The following RBM19 variants were observed in gnomAD, a reference collection of about 807,000 sequenced individuals.
RBM19 encodes the protein RNA binding motif protein 19, also known as probable RNA-binding protein 19.
A neutral mutation model predicts 116.8 loss-of-function variants in RBM19; 94 were observed. The ratio of observed to expected loss-of-function variants is 0.80; its 90% CI spans 0.68 to 0.95. The LOEUF (loss-of-function observed/expected upper bound fraction) is 0.95. Among genes scored for constraint, RBM19 ranks in the 40% least tolerant of loss-of-function variants. The pLI is 0.00. For missense variants in RBM19, 1,161 were observed against 1,220.7 expected (o/e 0.95, Z 0.73); for synonymous variants, 475 against 494.1 (o/e 0.96, Z 0.51).
intron 1 of RBM19, among the ~76,000 whole-genome samples, chr12:113,964,623 T>C (rs571197166): frequency 6.6e-6 from 1 of 152,286 alleles, no homozygotes; most frequent in South Asian, 2.1e-4. Context: ...TCAGAGATTA[T>C]AACAGGATAA....
At chr12:113,887,363 G>T (rs865906322) in intron 21 of RBM19, among the ~76,000 whole-genome samples, 2 of 152,064 alleles carry the variant, frequency 1.3e-5, no homozygotes, top group African/African-American at 2.4e-5. Flanking sequence ...CTGGCTGGGC[G>T]CAGTGGCTCA....
chr12:113,947,378 G>A lies in RBM19; in HGVS notation c.1363C>T (p.His455Tyr). The A allele has an allele frequency of 2.5e-6, 4 of 1,610,982 alleles. No individual in the cohort carries two copies. The highest frequency in any genetic ancestry group is 1.7e-4 in the Middle Eastern group (1 of 6,048). Residue 455 changes from histidine (H) to tyrosine (Y), a missense_variant, in exon 11 of 24, where the codon CAC (histidine) becomes TAC (tyrosine). Physicochemically the swap from His to Tyr is moderately conservative, Grantham distance 83. Transcript: ENST00000261741. ...ACCTCCGAGTAGGCCTTCACAGCGT[G>A]CTCAGGGAACATGAAGGTGATGAAT... ...FAFITFMFPE[H>Y]AVKAYSEVDG...
At chr12:113,907,103 TG>T (rs1237071516) in intron 21 of RBM19, among the ~76,000 whole-genome samples, 1 of 152,086 alleles carries the variant, frequency 6.6e-6, no homozygotes, top group Non-Finnish European at 1.5e-5. Flanking sequence ...TTCTGGCTTC[TG>T]GAACTGTGAG....
chr12:113,843,091 C>T (rs1204948490), intron 23 of RBM19, among the ~76,000 whole-genome samples: 1 of 152,176 alleles, frequency 6.6e-6, no homozygotes, highest in African/African-American at 2.4e-5. Flanking sequence ...TCTCAGAAGC[C>T]CAGTCGTTTC....
At chr12:113,821,462 T>C (rs564399685), downstream of RBM19, among the ~76,000 whole-genome samples, 1 of 152,098 alleles carries the variant, frequency 6.6e-6, no homozygotes, top group South Asian at 2.1e-4. Flanking sequence ...TGGGAAGGCA[T>C]GGGGTAGGTC....
intron 21 of RBM19, among the ~76,000 whole-genome samples, chr12:113,892,609 C>T (rs921533370): frequency 3.9e-5 from 6 of 152,236 alleles, no homozygotes; most frequent in African/African-American, 7.2e-5. Context: ...GTCCTGGCTT[C>T]GTTTAATGCG....
chr12:113,946,326 G>C (rs1346820847), intron 12 of RBM19, 28 bp downstream of exon 12: 1 of 1,614,032 alleles, frequency 6.2e-7, no homozygotes, highest in Admixed American at 1.7e-5. Flanking sequence ...TGGGGTTGGA[G>C]CTCAGTGGTT....
chr12:113,875,401 T>C (rs1879597294), intron 21 of RBM19, among the ~76,000 whole-genome samples: 1 of 152,088 alleles, frequency 6.6e-6, no homozygotes, highest in South Asian at 2.1e-4. Context: ...AGTTTAGAAT[T>C]GGATGGTGAG....
intron 14 of RBM19, 23 bp from the exon 15 acceptor site, chr12:113,940,183 C>A: frequency 6.2e-7 from 1 of 1,601,792 alleles, no homozygotes. Context: ...AATGCACACA[C>A]ATGGGACCAC....
chr12:113,844,808 G>A lies in RBM19; in HGVS notation c.2665-20C>T, dbSNP rs752510577. 6.3e-6 allele frequency: 10 copies of A among 1,598,954 alleles called. No homozygotes were observed. Among genetic ancestry groups the A allele is most frequent in the Admixed American group, 3.4e-5 (2 of 58,612 alleles). On this transcript the variant is annotated intron_variant, in intron 22 of 23. Coordinates refer to ENST00000261741, the MANE Select transcript of RBM19 (RefSeq NM_016196.4). ...GGCTCTCTGCAGAGGGACAAGAAAC[G>A]AAACTGCACATCAGCTGGATCAGTG...
rs145004497 is a variant in RBM19 at position 113,948,933 on chromosome 12, G to A, written c.1176C>T (p.Asn392=). 3.7e-6 allele frequency: 6 copies of A among 1,614,178 alleles called. No homozygotes were observed. Among genetic ancestry groups the A allele is most frequent in the South Asian group, 3.3e-5 (3 of 91,090 alleles). Residue 392 remains asparagine, a synonymous_variant, in exon 10 of 24, where the codon AAC becomes AAT. Transcript: ENST00000261741. ...ATTCGGCCAGGTCCTCCTCCTCTTC[G>A]TTCTCCCCGAGTATCCGGCCTTGCC... The part of the protein sequence containing the change: ...KSWQGRILGE[N]EEEEDLAESG...
rs541021751 is a variant in RBM19 at position 113,945,941 on chromosome 12, G to A, written c.1530-17C>T. 1 of 1,532,458 alleles carries A rather than the reference G, an allele frequency of 6.5e-7. No homozygotes were observed. The highest frequency in any genetic ancestry group is 1.7e-5 in the Admixed American group (1 of 59,540). The allele number at this position is 1,532,458 out of a possible 1,614,324, so 94.9% of individuals were successfully genotyped here. A position where few individuals can be genotyped will look rare whatever the true frequency, so the allele number is the denominator to read the frequency against. ...TTGTGAGAGCTAAGAGGCAGAGGCA[G>A]AACAGGGAGATCAGACCGCAGCTGG... On this transcript the variant is annotated splice_polypyrimidine_tract_variant and intron_variant, in intron 12 of 23. Coordinates refer to ENST00000261741, the MANE Select transcript of RBM19 (RefSeq NM_016196.4).
intron 22 of RBM19, among the ~76,000 whole-genome samples, chr12:113,855,733 T>G (rs1304481353): frequency 2.0e-5 from 3 of 152,194 alleles, no homozygotes; most frequent in Non-Finnish European, 4.4e-5. Flanking sequence ...AGATCACCAG[T>G]GCTTTTGACT....
chr12:113,832,752 C>T (rs1009950451), intron 23 of RBM19, among the ~76,000 whole-genome samples: 4 of 152,316 alleles, frequency 2.6e-5, no homozygotes, highest in Admixed American at 6.5e-5. Context: ...ATGGAAGGAA[C>T]CACGACCAAA....
rs778299943 is a variant in RBM19, at chr12:113,942,426, C to T, written c.1635G>A (p.Lys545=). 1 of 1,605,646 alleles carries T rather than the reference C, an allele frequency of 6.2e-7. No homozygotes were observed. Among genetic ancestry groups the T allele is most frequent in the Admixed American group, 1.7e-5 (1 of 59,774 alleles). The part of the protein sequence containing the change: ...TKSQVFDHET[K]GSVAVRVALG... ...GAGCCACGCGCACGGCCACGCTGCCCTTGGTCTCCTGTGGAAGAGGAAAGG... is the reference window on the plus strand; with the variant it reads ...GAGCCACGCGCACGGCCACGCTGCCTTTGGTCTCCTGTGGAAGAGGAAAGG... The change falls in exon 14 of 24, where the codon AAG becomes AAA. Residue 545 remains lysine, a synonymous_variant. Coordinates refer to ENST00000261741, the MANE Select transcript of RBM19 (RefSeq NM_016196.4).
chr12:113,965,795 TC>T (rs966576754), intron 1 of RBM19, among the ~76,000 whole-genome samples: 2 of 152,106 alleles, frequency 1.3e-5, no homozygotes, highest in Non-Finnish European at 2.9e-5. Flanking sequence ...AGATTAATAT[TC>T]CCCATGTCTT....
intron 22 of RBM19, among the ~76,000 whole-genome samples, chr12:113,853,822 C>T (rs1392633050): frequency 6.6e-6 from 1 of 152,210 alleles, no homozygotes; most frequent in Non-Finnish European, 1.5e-5. Flanking sequence ...TGACTGAATG[C>T]CCACTCCTCC....
At chr12:113,934,754 G>A (rs1433011597) in intron 16 of RBM19, among the ~76,000 whole-genome samples, 1 of 152,178 alleles carries the variant, frequency 6.6e-6, no homozygotes, top group Non-Finnish European at 1.5e-5. Context: ...TTGATTGATG[G>A]TGTTATTGTC....
rs139059094 is a variant in RBM19 at position 113,905,252 on chromosome 12, G to A, written c.2558+9717C>T. 2.9e-3 allele frequency among the ~76,000 whole-genome samples: 446 copies of A among 152,274 alleles called. 5 individuals are homozygous for A. Among genetic ancestry groups the A allele is most frequent in the African/African-American group, 0.01 (431 of 41,522 alleles). ...TAACACAGGTTGGTATTGGCATGGG[G>A]GCAGACAAATAGACCCGGGGAGCAG... On this transcript the variant is annotated intron_variant, in intron 21 of 23. Transcript: ENST00000261741.
Sources: allele counts gnomAD v4.1 joint callset (sites outside exome capture counted in the v4.1 genomes callset), GRCh38; gene constraint gnomAD v4.1.1; transcripts MANE v1.5; gene names NCBI Gene and HGNC (gene_info 2026-07-23, HGNC 2026-07-21).